LIN28B: variants seen among roughly 807,000 people sequenced by gnomAD.
LIN28B encodes lin-28 RNA binding posttranscriptional regulator B.
A neutral mutation model predicts 21.9 loss-of-function variants in LIN28B; 5 were observed. The ratio of observed to expected loss-of-function variants is 0.23; its 90% CI spans 0.12 to 0.48. LIN28B has a LOEUF of 0.48. Among genes scored for constraint, LIN28B ranks in the 20% least tolerant of loss-of-function variants. The pLI, the probability that LIN28B is intolerant of heterozygous loss-of-function variation, is 0.98. For missense variants in LIN28B, 245 were observed against 310.5 expected, an observed-to-expected ratio of 0.79 and a Z score of 1.58; for synonymous variants, 109 against 111.3, an observed-to-expected ratio of 0.98 and a Z score of 0.13.
intron 3 of LIN28B, among the ~76,000 whole-genome samples, chr6:105,030,839 G>A (rs979585906): frequency 6.6e-6 from 1 of 151,682 alleles, no homozygotes; most frequent in Admixed American, 6.6e-5. Context: ...CAGGTGATTC[G>A]CCTGCCTCAG....
At chr6:104,965,649 A>G (rs547058951) in intron 2 of LIN28B, among the ~76,000 whole-genome samples, 56 of 152,226 alleles carry the variant, frequency 3.7e-4, no homozygotes, top group Admixed American at 1.0e-3. Flanking sequence ...GGCCTCCCAA[A>G]GTCCTGGGAT....
chr6:105,034,529 G>A (rs1187510463), intron 3 of LIN28B, among the ~76,000 whole-genome samples: 1 of 151,896 alleles, frequency 6.6e-6, no homozygotes, highest in Non-Finnish European at 1.5e-5. Flanking sequence ...GATCATAGTA[G>A]AAGAATTTGT....
At chr6:104,988,430 A>T (rs1770391776) in intron 2 of LIN28B, among the ~76,000 whole-genome samples, 1 of 149,876 alleles carries the variant, frequency 6.7e-6, no homozygotes, top group African/African-American at 2.5e-5. Flanking sequence ...TTTTTGAAAG[A>T]TTTGTATTTT....
At chr6:104,965,992 G>A (rs1250856675) in intron 2 of LIN28B, among the ~76,000 whole-genome samples, 1 of 152,228 alleles carries the variant, frequency 6.6e-6, no homozygotes, top group African/African-American at 2.4e-5. Flanking sequence ...TGTAAGGGAA[G>A]TAAGTTACCT....
At chr6:104,960,445 G>T (rs188823083) in intron 2 of LIN28B, among the ~76,000 whole-genome samples, 1,532 of 152,048 alleles carry the variant, frequency 0.01, 12 homozygotes, top group Admixed American at 0.016. Context: ...AAGCATTTTT[G>T]AAAACATACC....
chr6:105,063,182 ATACAAT>A (rs903406627), intron 3 of LIN28B, among the ~76,000 whole-genome samples: 19 of 152,148 alleles, frequency 1.2e-4, no homozygotes, highest in Non-Finnish European at 1.0e-4. Context: ...GATTTAGTTT[ATACAAT>A]TACATCATTA....
intron 2 of LIN28B, among the ~76,000 whole-genome samples, chr6:104,970,734 G>T (rs1769959920): frequency 1.3e-5 from 2 of 152,130 alleles, no homozygotes; most frequent in Non-Finnish European, 2.9e-5. Flanking sequence ...ACATTAGCAA[G>T]AAATAATTGC....
upstream of LIN28B, among the ~76,000 whole-genome samples, chr6:104,952,685 T>G (rs1406462955): frequency 3.3e-5 from 5 of 152,132 alleles, no homozygotes. Flanking sequence ...TAAAGGGAAA[T>G]TTTGAAATAT....
upstream of LIN28B, among the ~76,000 whole-genome samples, chr6:104,956,776 T>TAAAA (rs1297846494): frequency 1.3e-5 from 2 of 152,212 alleles, no homozygotes; most frequent in African/African-American, 4.8e-5. Flanking sequence ...GGCTTGTGTG[T>TAAAA]AAGGCACGCG....
intron 3 of LIN28B, among the ~76,000 whole-genome samples, chr6:105,064,780 T>G (rs1368889918): frequency 6.6e-6 from 1 of 152,184 alleles, no homozygotes; most frequent in African/African-American, 2.4e-5. Flanking sequence ...AAAAAAATAT[T>G]TAGTGTCTTT....
intron 2 of LIN28B, among the ~76,000 whole-genome samples, chr6:105,017,090 A>G (rs1017868614): frequency 5.9e-5 from 9 of 151,642 alleles, no homozygotes; most frequent in Non-Finnish European, 1.0e-4. Flanking sequence ...AAAAAAAAAA[A>G]AAAGAAAGAT....
chr6:104,985,983 G>A (rs2114258776), intron 2 of LIN28B, among the ~76,000 whole-genome samples: 1 of 152,162 alleles, frequency 6.6e-6, no homozygotes, highest in Non-Finnish European at 1.5e-5. Context: ...TTGGATTTGT[G>A]TCCCTGCCCA....
chr6:105,022,993 G>A (rs1771168516), intron 2 of LIN28B, among the ~76,000 whole-genome samples: 1 of 150,656 alleles, frequency 6.6e-6, no homozygotes. Flanking sequence ...AGTAAGCATT[G>A]GAACCAGTGT....
At chr6:105,060,349 AACCTACTG>A (rs1445468347) in intron 3 of LIN28B, among the ~76,000 whole-genome samples, 1 of 152,054 alleles carries the variant, frequency 6.6e-6, no homozygotes, top group African/African-American at 2.4e-5. Context: ...CTGCAGCCTC[AACCTACTG>A]GGCTCAAGCG....
At chr6:105,035,764 G>A (rs1255031690) in intron 3 of LIN28B, among the ~76,000 whole-genome samples, 1 of 152,054 alleles carries the variant, frequency 6.6e-6, no homozygotes, top group Non-Finnish European at 1.5e-5. Flanking sequence ...TGTAAAAATA[G>A]TTTGTCACAA....
intron 2 of LIN28B, among the ~76,000 whole-genome samples, chr6:104,992,131 G>T (rs1248135146): frequency 2.0e-5 from 3 of 151,584 alleles, no homozygotes; most frequent in Non-Finnish European, 4.4e-5. Flanking sequence ...ATGCGATCTC[G>T]GCTCACCGTA....
intron 3 of LIN28B, among the ~76,000 whole-genome samples, chr6:105,039,620 T>C (rs916292034): frequency 2.3e-4 from 35 of 152,142 alleles, no homozygotes; most frequent in Non-Finnish European, 2.9e-5. Flanking sequence ...GAGTACTTAC[T>C]CTTAAGAGGC....
At chr6:105,028,011 T>G (rs923411550) in intron 3 of LIN28B, among the ~76,000 whole-genome samples, 2 of 152,318 alleles carry the variant, frequency 1.3e-5, no homozygotes, top group African/African-American at 2.4e-5. Flanking sequence ...AATGATACAC[T>G]TAGCTATTAA....
At chr6:105,017,480 G>A (rs1771053728) in intron 2 of LIN28B, among the ~76,000 whole-genome samples, 1 of 152,130 alleles carries the variant, frequency 6.6e-6, no homozygotes, top group African/African-American at 2.4e-5. Flanking sequence ...CATTGTTCTA[G>A]GCATTGTACA....
Sources: allele counts gnomAD v4.1 joint callset (sites outside exome capture counted in the v4.1 genomes callset), GRCh38; gene constraint gnomAD v4.1.1; transcripts MANE v1.5; gene names NCBI Gene and HGNC (gene_info 2026-07-23, HGNC 2026-07-21).